ANKRD11: variants seen among roughly 807,000 people sequenced by gnomAD.
ANKRD11 encodes the protein ankyrin repeat domain-containing protein 11.
ANKRD11 carries 17 observed loss-of-function variants against 195.7 expected under a neutral mutation model. The ratio of observed to expected loss-of-function variants is 0.09; its 90% CI spans 0.06 to 0.13. The LOEUF (loss-of-function observed/expected upper bound fraction) is 0.13, where lower values mean the gene tolerates loss of function less well. ANKRD11 is among the 10% of genes least tolerant of loss of function. The probability of loss-of-function intolerance (pLI) is 1.00; values close to 1 mark genes in which losing one functional copy is unlikely to be tolerated. For synonymous variants in ANKRD11, 1,953 were observed against 1,528.1 expected, an observed-to-expected ratio of 1.28 and a Z score of -6.49; for missense variants, 3,735 against 3,566.1, an observed-to-expected ratio of 1.05 and a Z score of -1.21.
At chr16:89,336,847 C>T (rs966391527) in intron 2 of ANKRD11, among the ~76,000 whole-genome samples, 3 of 151,846 alleles carry the variant, frequency 2.0e-5, no homozygotes, top group African/African-American at 7.3e-5. Flanking sequence ...AACTGCAGGC[C>T]GGGCGCGGTG....
intron 2 of ANKRD11, among the ~76,000 whole-genome samples, chr16:89,321,686 A>G (rs547995665): frequency 6.6e-6 from 1 of 152,148 alleles, no homozygotes; most frequent in East Asian, 1.9e-4. Flanking sequence ...TGACACAACT[A>G]ATCTTAAAAC....
chr16:89,467,660 G>C (rs1019405984), intron 1 of ANKRD11, among the ~76,000 whole-genome samples: 1 of 152,032 alleles, frequency 6.6e-6, no homozygotes, highest in African/African-American at 2.4e-5. Context: ...ATCTGACCCT[G>C]TATCACTCTT....
At chr16:89,287,895 C>G (rs1346467517) in intron 7 of ANKRD11, 3 of 367,464 alleles carry the variant, frequency 8.2e-6, no homozygotes, top group Non-Finnish European at 1.5e-5. Flanking sequence ...ACCCCTCAGC[C>G]TTGCTGTCCT....
intron 2 of ANKRD11, among the ~76,000 whole-genome samples, chr16:89,365,040 T>C (rs1458736879): frequency 6.6e-6 from 1 of 152,232 alleles, no homozygotes; most frequent in Non-Finnish European, 1.5e-5. Context: ...TTCTGTTTTA[T>C]AGGTAACAAG....
At chr16:89,464,943 G>A (rs1016631776) in intron 1 of ANKRD11, among the ~76,000 whole-genome samples, 1 of 152,190 alleles carries the variant, frequency 6.6e-6, no homozygotes, top group African/African-American at 2.4e-5. Flanking sequence ...GGGGGTCAGG[G>A]GCCGAATCTG....
intron 3 of ANKRD11, chr16:89,313,294 C>G: frequency 7.8e-7 from 1 of 1,284,700 alleles, no homozygotes; most frequent in East Asian, 5.6e-5. Context: ...GGGGACGACA[C>G]TGTTCTCTGT....
chr16:89,430,567 C>G (rs538127426), intron 1 of ANKRD11, among the ~76,000 whole-genome samples: 5 of 152,338 alleles, frequency 3.3e-5, no homozygotes, highest in Non-Finnish European at 7.3e-5. Flanking sequence ...GGATTCTCAA[C>G]TCTCACGCTC....
At chr16:89,423,128 G>T (rs564490860) in intron 1 of ANKRD11, among the ~76,000 whole-genome samples, 2 of 152,156 alleles carry the variant, frequency 1.3e-5, no homozygotes, top group South Asian at 2.1e-4. Context: ...GCTCCCTCCC[G>T]TGAGCCACCT....
In ANKRD11 at chr16:89,305,243, G is replaced by A. The variant is rs140654871; in HGVS notation, c.189C>T (p.Thr63=). ...ERASKRKLPF[T]AGANGEQKDS... is the part of the protein sequence containing the mutation. The stretch of plus-strand genomic sequence containing the variant: ...CCTTCTGCTCCCCATTGGCGCCCGC[G>A]GTGAAGGGCAGCTTCCGCTTGCTGG... The change falls in exon 4 of 13, where the codon ACC becomes ACT. Residue 63 remains threonine, a synonymous_variant. Transcript: ENST00000301030. The A allele has an allele frequency of 8.9e-5, 144 of 1,613,686 alleles. No individual in the cohort carries two copies. The highest frequency in any genetic ancestry group is 1.1e-4 in the Non-Finnish European group (132 of 1,179,900).
chr16:89,350,611 A>G (rs2039166234), intron 2 of ANKRD11, among the ~76,000 whole-genome samples: 1 of 152,230 alleles, frequency 6.6e-6, no homozygotes. Context: ...AGTGACCGAA[A>G]GCACATCAGC....
rs777198327 is a variant in ANKRD11, at chr16:89,270,806, G to A, written c.7806+11C>T. On this transcript the variant is annotated intron_variant, in intron 12 of 12. Coordinates refer to ENST00000301030, the MANE Select transcript of ANKRD11 (RefSeq NM_013275.6). ...CCCCCAGGCAGAACTGAGGGGACGC[G>A]CAACACCGACCTTCATGCGGTCATA... is the stretch of plus-strand genomic sequence containing the variant. The A allele has an allele frequency of 2.0e-5, 33 of 1,612,516 alleles. No individual in the cohort carries two copies. In the East Asian group the frequency reaches 4.9e-4, roughly 24 times the overall value.
At chr16:89,330,656 CTGGG>C (rs2038005549) in intron 2 of ANKRD11, among the ~76,000 whole-genome samples, 1 of 4,270 alleles carries the variant, frequency 2.3e-4, no homozygotes, top group Non-Finnish European at 5.4e-4. Context: ...AGTACAGTGA[CTGGG>C]GGGGGGGGGG....
intron 12 of ANKRD11, 142 bp downstream of exon 12, chr16:89,270,675 A>G: frequency 1.2e-6 from 1 of 832,758 alleles, no homozygotes; most frequent in Non-Finnish European, 2.0e-6. Context: ...GGCCAGATTA[A>G]GAGAATCTGA....
intron 4 of ANKRD11, among the ~76,000 whole-genome samples, chr16:89,302,890 C>A (rs528881544): frequency 6.6e-6 from 1 of 152,170 alleles, no homozygotes; most frequent in African/African-American, 2.4e-5. Flanking sequence ...CAGGAGCACC[C>A]AGGGCTGTGG....
At chr16:89,451,806 T>TC (rs141458350) in intron 1 of ANKRD11, among the ~76,000 whole-genome samples, 2,015 of 152,282 alleles carry the variant, frequency 0.013, 59 homozygotes, top group East Asian at 0.064. Flanking sequence ...GGAAAAAGTA[T>TC]TTCAGTGAAT....
chr16:89,395,541 A>G (rs1307607397), intron 2 of ANKRD11, among the ~76,000 whole-genome samples: 1 of 152,248 alleles, frequency 6.6e-6, no homozygotes, highest in Non-Finnish European at 1.5e-5. Flanking sequence ...TTACTTGTCC[A>G]TGAGAATCCC....
At chr16:89,340,504 A>G (rs560808902) in intron 2 of ANKRD11, among the ~76,000 whole-genome samples, 1 of 152,250 alleles carries the variant, frequency 6.6e-6, no homozygotes, top group African/African-American at 2.4e-5. Flanking sequence ...TGAACTCCTG[A>G]CTTCAGGCGA....
intron 2 of ANKRD11, among the ~76,000 whole-genome samples, chr16:89,317,689 C>T (rs1567635164): frequency 6.6e-6 from 1 of 152,220 alleles, no homozygotes; most frequent in South Asian, 2.1e-4. Flanking sequence ...GACGCCCCCT[C>T]GGGCCTCAGG....
chr16:89,397,400 C>T (rs2041487820), intron 2 of ANKRD11, among the ~76,000 whole-genome samples: 1 of 152,224 alleles, frequency 6.6e-6, no homozygotes, highest in Non-Finnish European at 1.5e-5. Context: ...TGAAGCTTTC[C>T]GTGTCCTCAG....
Sources: gnomAD v4.1 joint callset for allele counts (sites outside exome capture counted in the v4.1 genomes callset) on GRCh38, gnomAD v4.1.1 for gene constraint, MANE v1.5 for transcripts, NCBI Gene and HGNC (gene_info 2026-07-23, HGNC 2026-07-21) for gene names.